The following ATG10 variants were observed in gnomAD, a reference collection of about 807,000 sequenced individuals.
The protein encoded by ATG10 is ubiquitin-like-conjugating enzyme ATG10.
ATG10 carries 30 observed loss-of-function variants against 32.1 expected under a neutral mutation model. The ratio of observed to expected loss-of-function variants is 0.94; its 90% CI spans 0.70 to 1.27. The LOEUF (loss-of-function observed/expected upper bound fraction) is 1.27. ATG10 is among the 50% of genes most tolerant of loss of function. ATG10 has a pLI of 0.00. For synonymous variants in ATG10, 87 were observed against 91.5 expected (o/e 0.95, Z 0.28); for missense variants, 233 against 262.3 (o/e 0.89, Z 0.77).
chr5:82,131,073 G>A (rs72776877), intron 3 of ATG10, among the ~76,000 whole-genome samples: 1 of 151,976 alleles, frequency 6.6e-6, no homozygotes, highest in Non-Finnish European at 1.5e-5. Flanking sequence ...GGACTAGTAG[G>A]GGGTGGAAGG....
At chr5:81,988,218 C>T (rs1156729137) in intron 2 of ATG10, among the ~76,000 whole-genome samples, 2 of 151,908 alleles carry the variant, frequency 1.3e-5, no homozygotes, top group Non-Finnish European at 2.9e-5. Context: ...CTCACTGCAA[C>T]CTCTGCCTTT....
intron 3 of ATG10, among the ~76,000 whole-genome samples, chr5:82,064,674 TTATTA>T (rs1763885164): frequency 6.6e-6 from 1 of 152,136 alleles, no homozygotes; most frequent in East Asian, 1.9e-4. Context: ...ACTAGTTGCT[TTATTA>T]TCTTATTTAA....
chr5:82,169,676 T>G (rs567409681), intron 4 of ATG10, among the ~76,000 whole-genome samples: 2 of 152,212 alleles, frequency 1.3e-5, no homozygotes, highest in African/African-American at 4.8e-5. Context: ...CATATGTTTA[T>G]GTAGACAGTA....
At chr5:82,107,257 C>A (rs1283025374) in intron 3 of ATG10, among the ~76,000 whole-genome samples, 1 of 152,028 alleles carries the variant, frequency 6.6e-6, no homozygotes, top group Non-Finnish European at 1.5e-5. Context: ...AACAAGAATT[C>A]TGACAGGATT....
At chr5:82,237,652 A>G (rs1383339581) in intron 5 of ATG10, among the ~76,000 whole-genome samples, 1 of 152,092 alleles carries the variant, frequency 6.6e-6, no homozygotes. Flanking sequence ...CAAAAAAAAA[A>G]AAAAAGTCTT....
intron 1 of ATG10, among the ~76,000 whole-genome samples, chr5:81,985,525 A>C (rs545131924): frequency 6.7e-6 from 1 of 150,282 alleles, no homozygotes; most frequent in African/African-American, 2.4e-5. Flanking sequence ...TTCAAACTCA[A>C]TATGGCCAAA....
chr5:82,113,469 A>G (rs1475360507), intron 3 of ATG10, among the ~76,000 whole-genome samples: 1 of 152,002 alleles, frequency 6.6e-6, no homozygotes, highest in Non-Finnish European at 1.5e-5. Context: ...TAATAAAATT[A>G]TCTGCCATAA....
At chr5:82,019,109 G>T (rs997924109) in intron 2 of ATG10, among the ~76,000 whole-genome samples, 7 of 152,096 alleles carry the variant, frequency 4.6e-5, no homozygotes, top group Non-Finnish European at 2.9e-5. Context: ...TTCACAATTT[G>T]TCTGAAGAAT....
intron 2 of ATG10, among the ~76,000 whole-genome samples, chr5:82,040,705 C>T (rs1164644985): frequency 1.3e-5 from 2 of 152,068 alleles, no homozygotes; most frequent in Non-Finnish European, 2.9e-5. Flanking sequence ...AGATTTTTTT[C>T]CACTGTGATT....
At chr5:82,035,201 T>C (rs1762879049) in intron 2 of ATG10, among the ~76,000 whole-genome samples, 1 of 152,218 alleles carries the variant, frequency 6.6e-6, no homozygotes, top group East Asian at 1.9e-4. Context: ...CATGAGCTGC[T>C]GCACCTGGCC....
At chr5:82,109,558 T>C (rs1484567885) in intron 3 of ATG10, among the ~76,000 whole-genome samples, 1 of 151,964 alleles carries the variant, frequency 6.6e-6, no homozygotes, top group East Asian at 1.9e-4. Context: ...TTTCTTGTCT[T>C]TATTACTTTT....
At chr5:82,105,824 G>A (rs1765431026) in intron 3 of ATG10, among the ~76,000 whole-genome samples, 1 of 152,148 alleles carries the variant, frequency 6.6e-6, no homozygotes, top group African/African-American at 2.4e-5. Context: ...GTAGCTTACT[G>A]CAGTGGCTAA....
chr5:82,139,292 C>A lies in ATG10; in HGVS notation c.217-25107C>A, dbSNP rs1426889772. 3.3e-5 allele frequency among the ~76,000 whole-genome samples: 5 copies of A among 150,560 alleles called. No homozygotes were observed. The East Asian group carries it at 5.9e-4, about 18-fold the overall frequency. ...GTCTGGGAAGTGAGGAGTGTCTCTGCCTGGCCGCCCATTGTCTGGGATGTG... is the reference window on the plus strand; with the variant it reads ...GTCTGGGAAGTGAGGAGTGTCTCTGACTGGCCGCCCATTGTCTGGGATGTG... On this transcript the variant is annotated intron_variant, in intron 3 of 7. Coordinates refer to ENST00000282185, the MANE Select transcript of ATG10 (RefSeq NM_031482.5).
chr5:82,020,460 G>T (rs1364392637), intron 2 of ATG10, among the ~76,000 whole-genome samples: 1 of 152,176 alleles, frequency 6.6e-6, no homozygotes, highest in Non-Finnish European at 1.5e-5. Flanking sequence ...ATATCGGTGA[G>T]ATATTGCTAC....
chr5:82,165,871 C>A (rs1743558973), intron 4 of ATG10, among the ~76,000 whole-genome samples: 1 of 152,080 alleles, frequency 6.6e-6, no homozygotes. Flanking sequence ...AGAGACAAGT[C>A]GAGGCTGCAG....
intron 2 of ATG10, among the ~76,000 whole-genome samples, chr5:82,024,755 A>C (rs1762548247): frequency 6.6e-6 from 1 of 152,208 alleles, no homozygotes; most frequent in Non-Finnish European, 1.5e-5. Context: ...AATGGTTAAT[A>C]AGCTAAGGGC....
intron 4 of ATG10, 29 bp downstream of exon 4, chr5:82,164,566 A>G (rs1461897062): frequency 1.9e-6 from 3 of 1,558,962 alleles, no homozygotes; most frequent in Non-Finnish European, 8.7e-7. Context: ...CTAAAAGTAA[A>G]TTTATAACAT....
chr5:82,147,852 C>T (rs573493828), intron 3 of ATG10: 1 of 152,550 alleles, frequency 6.6e-6, no homozygotes, highest in South Asian at 2.1e-4. Flanking sequence ...CTTGTGCCAA[C>T]ACCACCACCA....
chr5:82,082,148 AT>A (rs938991358), intron 3 of ATG10, among the ~76,000 whole-genome samples: 6 of 151,818 alleles, frequency 4.0e-5, no homozygotes, highest in Non-Finnish European at 8.8e-5. Context: ...TCCAGATGAG[AT>A]TTGGGGGGGG....
Sources: gnomAD v4.1 joint callset for allele counts (sites outside exome capture counted in the v4.1 genomes callset) on GRCh38, gnomAD v4.1.1 for gene constraint, MANE v1.5 for transcripts, NCBI Gene and HGNC (gene_info 2026-07-23, HGNC 2026-07-21) for gene names.